Variants in TRPC1 observed in about 807,000 individuals in gnomAD.
TRPC1 encodes the protein short transient receptor potential channel 1.
A neutral mutation model predicts 88.2 loss-of-function variants in TRPC1; 42 were observed. That is an observed-to-expected ratio of 0.48 (90% CI 0.37 to 0.62). The LOEUF is 0.62. Ranked by LOEUF, TRPC1 falls within the 20% of genes least tolerant of loss-of-function variation. The pLI is 0.00. For missense variants in TRPC1, 699 were observed against 957.3 expected (o/e 0.73, Z 3.56); for synonymous variants, 288 against 331.8 (o/e 0.87, Z 1.43).
chr3:142,763,545 A>G (rs989523907), intron 4 of TRPC1, among the ~76,000 whole-genome samples: 1 of 151,968 alleles, frequency 6.6e-6, no homozygotes, highest in Non-Finnish European at 1.5e-5. Context: ...AATATCTTTC[A>G]GTCTCAGTCT....
At chr3:142,769,655 G>C (rs370978452) in intron 4 of TRPC1, among the ~76,000 whole-genome samples, 39 of 152,168 alleles carry the variant, frequency 2.6e-4, no homozygotes, top group African/African-American at 8.9e-4. Context: ...AGAGTGTGTT[G>C]TTAATTTCCA....
chr3:142,748,924 A>G (rs1934652073), intron 4 of TRPC1, among the ~76,000 whole-genome samples: 1 of 152,138 alleles, frequency 6.6e-6, no homozygotes, highest in African/African-American at 2.4e-5. Context: ...TGTTTCTTCA[A>G]TTAAAAATGT....
intron 2 of TRPC1, among the ~76,000 whole-genome samples, chr3:142,739,601 G>T (rs1277851396): frequency 2.0e-5 from 3 of 152,126 alleles, no homozygotes; most frequent in Admixed American, 6.5e-5. Flanking sequence ...GATACAAAGG[G>T]CCTTGAATGC....
chr3:142,791,363 T>C (rs945354479), intron 8 of TRPC1, among the ~76,000 whole-genome samples: 2 of 152,180 alleles, frequency 1.3e-5, no homozygotes, highest in African/African-American at 4.8e-5. Flanking sequence ...TTATTTATTA[T>C]ATAACAGGGA....
intron 4 of TRPC1, among the ~76,000 whole-genome samples, chr3:142,755,784 G>C (rs1934939379): frequency 6.6e-6 from 1 of 152,102 alleles, no homozygotes; most frequent in Non-Finnish European, 1.5e-5. Context: ...CTCAAAAAAG[G>C]CTTTTTTTAC....
rs966405072 is a variant in TRPC1 at position 142,785,064 on chromosome 3, G to T, written c.1297+24G>T. The T allele has an allele frequency of 2.3e-5, 35 of 1,537,374 alleles. No homozygotes were observed. The African/African-American group carries it at 4.2e-4, about 18-fold the overall frequency. ...TGGTAAGTATCAAGTTAGTTTGAAA[G>T]GTTTTGTCTTTATTTAGCCCACTGA... On this transcript the variant is annotated intron_variant, in intron 7 of 12. Coordinates refer to ENST00000476941, the MANE Select transcript of TRPC1 (RefSeq NM_001251845.2).
At chr3:142,805,942 T>G (rs1430530549) in intron 12 of TRPC1, 66 bp from the exon 13 acceptor site, 5 of 1,414,280 alleles carry the variant, frequency 3.5e-6, no homozygotes, top group Non-Finnish European at 4.9e-6. Context: ...GTGAATATAT[T>G]TTTGAACTCT....
At position 142,767,366 on chromosome 3, in the gene TRPC1, G is replaced by T. The variant is rs1935428288; in HGVS notation, c.633-10266G>T. Reference sequence around the variant, plus strand: ...TTTTAAAATATTTAAATAGTCCTTTGTCCAGTATGTCTTTTGCAAATATTT... The same window carrying T: ...TTTTAAAATATTTAAATAGTCCTTTTTCCAGTATGTCTTTTGCAAATATTT... On this transcript the variant is annotated intron_variant, in intron 4 of 12. Coordinates refer to ENST00000476941, the MANE Select transcript of TRPC1 (RefSeq NM_001251845.2). The surrounding 1 kb of genome is among the most constrained non-coding windows in gnomAD (Gnocchi z 5.1). 6.6e-6 allele frequency among the ~76,000 whole-genome samples: 1 copy of T among 151,582 alleles called. No individual in the cohort carries two copies. Among genetic ancestry groups the T allele is most frequent in the African/African-American group, 2.4e-5 (1 of 41,332 alleles).
At chr3:142,788,521 T>C (rs986941465) in intron 7 of TRPC1, among the ~76,000 whole-genome samples, 4 of 152,062 alleles carry the variant, frequency 2.6e-5, no homozygotes, top group African/African-American at 7.2e-5. Context: ...TGAAAAGCCT[T>C]TGAGATATTT....
intron 1 of TRPC1, among the ~76,000 whole-genome samples, chr3:142,735,695 C>G (rs1934106425): frequency 6.6e-6 from 1 of 152,146 alleles, no homozygotes; most frequent in Non-Finnish European, 1.5e-5. Context: ...AGGTCAGGCA[C>G]TAATCCTAGT....
In TRPC1 at chr3:142,806,959, A is replaced by T. The variant is rs1256114463; in HGVS notation, c.*724A>T. 1 of 152,058 alleles carries T rather than the reference A, an allele frequency of 6.6e-6. No individual in the cohort carries two copies. The highest frequency in any genetic ancestry group is 1.5e-5 in the Non-Finnish European group (1 of 67,986). 9.4% of individuals were successfully genotyped at this position (152,058 alleles called of 1,614,324 possible). ...TCCACATTTAAATTTTTATAGAATT[A>T]TATAGTTTTTGAAAAATACAGTCAG... is the stretch of plus-strand genomic sequence containing the variant. On this transcript the variant is annotated 3_prime_UTR_variant, in exon 13 of 13. Coordinates refer to ENST00000476941, the MANE Select transcript of TRPC1 (RefSeq NM_001251845.2).
intron 9 of TRPC1, among the ~76,000 whole-genome samples, chr3:142,801,660 A>G (rs1049015862): frequency 5.3e-5 from 8 of 152,304 alleles, no homozygotes; most frequent in Non-Finnish European, 8.8e-5. Flanking sequence ...AAGAAAATCT[A>G]TCACTTCAGC....
intron 7 of TRPC1, among the ~76,000 whole-genome samples, chr3:142,786,644 A>G (rs1336762378): frequency 6.6e-6 from 1 of 152,164 alleles, no homozygotes; most frequent in Admixed American, 6.5e-5. Flanking sequence ...GACTCTTTCA[A>G]TGTGAAATAT....
intron 1 of TRPC1, among the ~76,000 whole-genome samples, chr3:142,725,481 G>A (rs1209162136): frequency 6.6e-6 from 1 of 152,114 alleles, no homozygotes; most frequent in African/African-American, 2.4e-5. Context: ...AAAATATGTG[G>A]AATATATTTA....
At chr3:142,798,940 T>C (rs1277061961) in intron 9 of TRPC1, among the ~76,000 whole-genome samples, 1 of 152,184 alleles carries the variant, frequency 6.6e-6, no homozygotes, top group African/African-American at 2.4e-5. Context: ...CATAGTACTC[T>C]GTGTATGAGG....
chr3:142,804,131 A>C lies in TRPC1; in HGVS notation c.1912A>C (p.Thr638Pro), dbSNP rs1936704158. The change falls in exon 11 of 13, where the codon ACC becomes CCC. Residue 638 changes from threonine to proline, a missense_variant. Physicochemically the swap from Thr to Pro is conservative, Grantham distance 38. Around this residue, in one of 4 missense-constraint regions of TRPC1, gnomAD observed 11 missense variants for 47.2 expected, o/e 0.23. Coordinates refer to ENST00000476941, the MANE Select transcript of TRPC1 (RefSeq NM_001251845.2). ...CAATGTCGTGGTTGTGATTGTGCTTACCAAACTGCTGGTGGCAATGCTTCA... is the reference window on the plus strand; with the variant it reads ...CAATGTCGTGGTTGTGATTGTGCTTCCCAAACTGCTGGTGGCAATGCTTCA... ...TYNVVVVIVL[T>P]KLLVAMLHKS... is the part of the protein sequence containing the mutation. 1 of 1,613,802 alleles carries C rather than the reference A, an allele frequency of 6.2e-7. No homozygotes were observed. Among genetic ancestry groups the C allele is most frequent in the African/African-American group, 1.3e-5 (1 of 74,914 alleles).
At chr3:142,790,582 A>G (rs1936263420) in intron 7 of TRPC1, among the ~76,000 whole-genome samples, 1 of 152,112 alleles carries the variant, frequency 6.6e-6, no homozygotes. Context: ...TTAAAGTAGT[A>G]AGTATAGGTA....
chr3:142,725,633 A>G (rs1325189463), intron 1 of TRPC1, among the ~76,000 whole-genome samples: 1 of 152,206 alleles, frequency 6.6e-6, no homozygotes, highest in African/African-American at 2.4e-5. Flanking sequence ...TGTTTCCTAC[A>G]TGGAAACACT....
rs1933561720 is a variant in TRPC1 at position 142,724,291 on chromosome 3, CGGCTCGGCCGGGGCG to C, written c.-268_-254del. On this transcript the variant is annotated 5_prime_UTR_variant, in exon 1 of 13. Transcript: ENST00000476941. The surrounding 1 kb of genome is among the most constrained non-coding windows in gnomAD (Gnocchi z 5.6). ...CTGTCGTCCCCGGACGGGCGCGGAC[CGGCTCGGCCGGGGCG>C]CCGGCGGCTGGGGAGGGGTCGCTGG... 1 of 212,914 alleles carries C rather than the reference CGGCTCGGCCGGGGCG, an allele frequency of 4.7e-6. No homozygotes were observed. Among genetic ancestry groups the C allele is most frequent in the Non-Finnish European group, 9.3e-6 (1 of 108,048 alleles). 13.2% of individuals were successfully genotyped at this position (212,914 alleles called of 1,614,324 possible).
Sources: gnomAD v4.1 joint callset for allele counts (sites outside exome capture counted in the v4.1 genomes callset) on GRCh38, gnomAD v4.1.1 for gene constraint, gnomAD v4.1.1 regional missense constraint, Gnocchi (gnomAD v3.1) non-coding constraint, MANE v1.5 for transcripts, NCBI Gene and HGNC (gene_info 2026-07-23, HGNC 2026-07-21) for gene names.